NHSL1: variants seen among roughly 807,000 people sequenced by gnomAD.
NHSL1 encodes the protein NHS-like protein 1.
In NHSL1, 48 loss-of-function variants were observed where a neutral mutation model predicts 95.0. The ratio of observed to expected loss-of-function variants is 0.51; its 90% confidence interval spans 0.40 to 0.64. The LOEUF (loss-of-function observed/expected upper bound fraction) is 0.64, where lower values mean the gene tolerates loss of function less well. Ranked by LOEUF, NHSL1 falls within the 30% of genes least tolerant of loss-of-function variation. NHSL1 has a pLI of 0.00. For synonymous variants in NHSL1, 783 were observed against 833.9 expected (o/e 0.94, Z 1.05); for missense variants, 1,971 against 2,077.7 (o/e 0.95, Z 1.00).
At chr6:138,558,077 A>G (rs1783260331) in intron 1 of NHSL1, among the ~76,000 whole-genome samples, 1 of 152,192 alleles carries the variant, frequency 6.6e-6, no homozygotes, top group Non-Finnish European at 1.5e-5. Context: ...TCTAGTCTAT[A>G]TGATCACAAT....
At chr6:138,524,568 T>TA (rs1781822057) in intron 1 of NHSL1, among the ~76,000 whole-genome samples, 2 of 152,214 alleles carry the variant, frequency 1.3e-5, no homozygotes, top group Non-Finnish European at 2.9e-5. Context: ...AAAGATTACT[T>TA]ATCTGTTGTA....
At position 138,652,308 on chromosome 6, in the gene NHSL1, G is replaced by A. The variant is rs142167334; in HGVS notation, c.96+40168C>T. On this transcript the variant is annotated intron_variant, in intron 1 of 3. Transcript: ENST00000491526. ...AATACAAAATTAGCCAGGCGTGGCG[G>A]CTCATGCCTGTAATCCCAGCTACTC... Among the ~76,000 whole-genome samples, 154 of 152,104 alleles carry A rather than the reference G, an allele frequency of 1.0e-3. 1 individual carries two copies. In the East Asian group the frequency reaches 0.027, roughly 27 times the overall value.
At position 138,430,696 on chromosome 6, in the gene NHSL1, C is replaced by A. The variant is rs768555192; in HGVS notation, c.3649G>T (p.Ala1217Ser). The stretch of plus-strand genomic sequence containing the variant: ...CGGAGGGCTTCGCTCACGTTCTCTG[C>A]GGGCTCCACTGCAAAATCTTTCTGC... ...PPQKDFAVEP[A>S]ENVSEALRAV... Residue 1217 changes from alanine (A) to serine (S), a missense_variant, in exon 6 of 8, where the codon GCA (alanine) becomes TCA (serine). Physicochemically the swap from Ala to Ser is moderately conservative, Grantham distance 99 (BLOSUM62 1). Coordinates refer to ENST00000343505, the MANE Select transcript of NHSL1 (RefSeq NM_001144060.2). The surrounding 1 kb of genome is among the most constrained non-coding windows in gnomAD (Gnocchi z 4.7). 9.0e-6 allele frequency: 14 copies of A among 1,551,602 alleles called. No individual in the cohort carries two copies. The highest frequency in any genetic ancestry group is 1.2e-5 in the Non-Finnish European group (14 of 1,147,022).
At chr6:138,580,687 C>G (rs1380428200) in intron 1 of NHSL1, among the ~76,000 whole-genome samples, 2 of 152,194 alleles carry the variant, frequency 1.3e-5, no homozygotes, top group Non-Finnish European at 2.9e-5. Flanking sequence ...ATTTGGCCAA[C>G]ACAATCGTTT....
In NHSL1 at chr6:138,467,399, G is replaced by A. The variant is rs182056617; in HGVS notation, c.339+5907C>T. ...GATCTCCTGACCTCATGATCCGCCC[G>A]CCTCGGCCTCCCAAAGTGCTGGGAT... On this transcript the variant is annotated intron_variant, in intron 3 of 7. Transcript: ENST00000343505. Among the ~76,000 whole-genome samples, 1,169 of 152,238 alleles carry A rather than the reference G, an allele frequency of 7.7e-3. 15 individuals are homozygous for A. Among genetic ancestry groups the A allele is most frequent in the African/African-American group, 0.021 (861 of 41,538 alleles).
chr6:138,601,974 A>G (rs1215984504), intron 1 of NHSL1, among the ~76,000 whole-genome samples: 1 of 152,236 alleles, frequency 6.6e-6, no homozygotes. Flanking sequence ...TATAAAGCCG[A>G]TAAGTTTATC....
chr6:138,474,278 G>A (rs760728793), intron 2 of NHSL1, among the ~76,000 whole-genome samples: 1 of 152,224 alleles, frequency 6.6e-6, no homozygotes, highest in Non-Finnish European at 1.5e-5. Context: ...TTCTAAAGGA[G>A]CACAAAACGT....
intron 7 of NHSL1, among the ~76,000 whole-genome samples, chr6:138,428,306 G>C (rs893538919): frequency 5.3e-5 from 8 of 152,218 alleles, no homozygotes; most frequent in African/African-American, 1.9e-4. Flanking sequence ...TTAAATACCA[G>C]TTGGTTTCAT....
intron 1 of NHSL1, among the ~76,000 whole-genome samples, chr6:138,645,808 T>C (rs774914649): frequency 1.3e-5 from 2 of 152,068 alleles, no homozygotes; most frequent in Non-Finnish European, 2.9e-5. Flanking sequence ...ACCTGGCCTG[T>C]AGTGTTTTTT....
At chr6:138,474,157 G>C (rs1398207708) in intron 2 of NHSL1, among the ~76,000 whole-genome samples, 1 of 152,158 alleles carries the variant, frequency 6.6e-6, no homozygotes, top group East Asian at 1.9e-4. Context: ...CTCATGGGTG[G>C]GGGCCGGTGC....
intron 3 of NHSL1, among the ~76,000 whole-genome samples, chr6:138,472,098 C>A (rs2128246646): frequency 6.7e-6 from 1 of 148,752 alleles, no homozygotes; most frequent in Admixed American, 6.8e-5. Flanking sequence ...ACGAGAATTG[C>A]TTGAACCTGG....
chr6:138,674,476 C>T, intron 1 of NHSL1, among the ~76,000 whole-genome samples: 1 of 152,202 alleles, frequency 6.6e-6, no homozygotes, highest in East Asian at 1.9e-4. Context: ...CCTAGCCCTC[C>T]CTCGCACCAC....
intron 1 of NHSL1, among the ~76,000 whole-genome samples, chr6:138,516,470 C>T (rs1781466132): frequency 6.6e-6 from 1 of 152,254 alleles, no homozygotes; most frequent in South Asian, 2.1e-4. Context: ...GCTGGGATGA[C>T]AAAGTGGGGT....
intron 1 of NHSL1, among the ~76,000 whole-genome samples, chr6:138,626,893 CAAAAAAAAAA>C (rs71009593): frequency 1.8e-3 from 14 of 7,770 alleles, no homozygotes; most frequent in Middle Eastern, 0.17. Flanking sequence ...GACTCCGTCT[CAAAAAAAAAA>C]AAAAAAAAAA....
chr6:138,561,410 AT>A (rs1381488066), intron 1 of NHSL1, among the ~76,000 whole-genome samples: 1 of 152,120 alleles, frequency 6.6e-6, no homozygotes, highest in Non-Finnish European at 1.5e-5. Flanking sequence ...ACCTTCTTCC[AT>A]TCACTACCAT....
At position 138,646,769 on chromosome 6, in the gene NHSL1, G is replaced by A. The variant is rs905439664; in HGVS notation, c.96+45707C>T. On this transcript the variant is annotated intron_variant, in intron 1 of 3. Transcript: ENST00000491526. The stretch of plus-strand genomic sequence containing the variant: ...CTCCATTCTGGGTTTACAGTCATGA[G>A]CAAATGAAACGTGACTCTGCTCTCC... Among the ~76,000 whole-genome samples the A allele has an allele frequency of 2.6e-5, 4 of 152,328 alleles. No individual in the cohort carries two copies. In the East Asian group the frequency reaches 7.7e-4, roughly 29 times the overall value.
At chr6:138,646,480 G>C (rs949587400) in intron 1 of NHSL1, among the ~76,000 whole-genome samples, 1 of 151,542 alleles carries the variant, frequency 6.6e-6, no homozygotes. Context: ...CTGAGCGGCA[G>C]AGCAAGACAC....
chr6:138,463,895 T>A (rs189312367), intron 3 of NHSL1, among the ~76,000 whole-genome samples: 55 of 152,320 alleles, frequency 3.6e-4, no homozygotes, highest in African/African-American at 1.3e-3. Flanking sequence ...CATTGTTTTA[T>A]TTACCTTCAT....
chr6:138,454,028 A>G (rs1248985060), intron 3 of NHSL1, among the ~76,000 whole-genome samples: 2 of 152,226 alleles, frequency 1.3e-5, no homozygotes, highest in Non-Finnish European at 2.9e-5. Context: ...TATTAAAATC[A>G]TATAACATAA....
Sources: allele counts gnomAD v4.1 joint callset (sites outside exome capture counted in the v4.1 genomes callset), GRCh38; gene constraint gnomAD v4.1.1; non-coding constraint Gnocchi (gnomAD v3.1); transcripts MANE v1.5; gene names NCBI Gene and HGNC (gene_info 2026-07-23, HGNC 2026-07-21).